UBE2E2: variants seen among roughly 807,000 people sequenced by gnomAD.
UBE2E2 encodes ubiquitin conjugating enzyme E2 E2, also known as ubiquitin-conjugating enzyme E2 E2.
UBE2E2 carries 6 observed loss-of-function variants against 24.7 expected under a neutral mutation model. The ratio of observed to expected loss-of-function variants is 0.24; its 90% CI spans 0.13 to 0.48. UBE2E2 has a LOEUF of 0.48. UBE2E2 is among the 20% of genes least tolerant of loss of function. The probability of loss-of-function intolerance (pLI) is 0.99; values close to 1 mark genes in which losing one functional copy is unlikely to be tolerated. For synonymous variants in UBE2E2, 104 were observed against 83.6 expected (o/e 1.24, Z -1.33); for missense variants, 169 against 245.0 (o/e 0.69, Z 2.07).
intron 3 of UBE2E2, among the ~76,000 whole-genome samples, chr3:23,455,589 A>C (rs1384676182): frequency 6.6e-6 from 1 of 152,042 alleles, no homozygotes; most frequent in East Asian, 1.9e-4. Context: ...TTAAGTTTTC[A>C]GCTTAGGCGG....
chr3:23,213,159 A>G (rs1040509581), intron 2 of UBE2E2, among the ~76,000 whole-genome samples: 1 of 152,164 alleles, frequency 6.6e-6, no homozygotes, highest in African/African-American at 2.4e-5. Flanking sequence ...TTACTTTGCG[A>G]ATCTGCGTAT....
At chr3:23,324,672 G>A (rs1406378446) in intron 3 of UBE2E2, among the ~76,000 whole-genome samples, 1 of 151,928 alleles carries the variant, frequency 6.6e-6, no homozygotes, top group African/African-American at 2.4e-5. Flanking sequence ...TTTGTATCCT[G>A]TTATCACAGG....
intron 3 of UBE2E2, among the ~76,000 whole-genome samples, chr3:23,354,172 C>T (rs1321431318): frequency 1.3e-5 from 2 of 152,032 alleles, no homozygotes. Flanking sequence ...GCTGGGAAAA[C>T]TGGCTAGCCA....
chr3:23,265,497 T>C (rs531134694), intron 3 of UBE2E2, among the ~76,000 whole-genome samples: 7 of 151,926 alleles, frequency 4.6e-5, no homozygotes, highest in Admixed American at 1.3e-4. Flanking sequence ...GGACTAGGGG[T>C]AAAACATGGA....
chr3:23,347,131 T>G (rs1575575951), intron 3 of UBE2E2, among the ~76,000 whole-genome samples: 2 of 152,244 alleles, frequency 1.3e-5, no homozygotes, highest in Non-Finnish European at 2.9e-5. Flanking sequence ...TCAACCATTG[T>G]GGAAGACAGT....
At chr3:23,272,144 G>A (rs1366010584) in intron 3 of UBE2E2, among the ~76,000 whole-genome samples, 1 of 152,176 alleles carries the variant, frequency 6.6e-6, no homozygotes, top group African/African-American at 2.4e-5. Context: ...GGCCATGGCG[G>A]GCTGCAGGTC....
chr3:23,203,266 A>G, upstream of UBE2E2: 1 of 987,224 alleles, frequency 1.0e-6, no homozygotes, highest in Non-Finnish European at 1.2e-6. Flanking sequence ...GCTGAGGGTG[A>G]GTCCGGGCGG....
chr3:23,323,456 C>T (rs1037700222), intron 3 of UBE2E2: 6 of 411,530 alleles, frequency 1.5e-5, no homozygotes, highest in Admixed American at 2.7e-5. Flanking sequence ...GTAAGTAATA[C>T]GGGGTGAGCA....
intron 5 of UBE2E2, among the ~76,000 whole-genome samples, chr3:23,584,002 A>G (rs1236418131): frequency 6.6e-6 from 1 of 152,148 alleles, no homozygotes; most frequent in Non-Finnish European, 1.5e-5. Context: ...CTGGATTTCA[A>G]AAGGGGTATG....
chr3:23,567,525 T>C (rs946608272), intron 5 of UBE2E2, among the ~76,000 whole-genome samples: 3 of 152,152 alleles, frequency 2.0e-5, no homozygotes, highest in African/African-American at 4.8e-5. Context: ...AGGTCACTTA[T>C]AGGAAATGGA....
intron 3 of UBE2E2, among the ~76,000 whole-genome samples, chr3:23,250,284 A>G (rs1697537682): frequency 6.6e-6 from 1 of 152,170 alleles, no homozygotes; most frequent in Non-Finnish European, 1.5e-5. Flanking sequence ...CTGGTCTTTA[A>G]TTCTCTTTTA....
intron 3 of UBE2E2, among the ~76,000 whole-genome samples, chr3:23,454,592 C>CA (rs1442911222): frequency 6.6e-6 from 1 of 152,208 alleles, no homozygotes; most frequent in African/African-American, 2.4e-5. Context: ...TCATATAACA[C>CA]AGACTGTGTT....
chr3:23,387,027 G>A (rs1380233193), intron 3 of UBE2E2, among the ~76,000 whole-genome samples: 1 of 152,058 alleles, frequency 6.6e-6, no homozygotes, highest in Non-Finnish European at 1.5e-5. Flanking sequence ...TACCTATAAA[G>A]GATTATGAAA....
intron 3 of UBE2E2, among the ~76,000 whole-genome samples, chr3:23,464,301 C>T (rs1195188668): frequency 2.0e-5 from 3 of 152,108 alleles, no homozygotes; most frequent in Non-Finnish European, 4.4e-5. Context: ...ATAGGAAATA[C>T]TTTAGTTAAA....
intron 5 of UBE2E2, among the ~76,000 whole-genome samples, chr3:23,584,965 T>TGAGTAGA (rs1451684330): frequency 6.6e-6 from 1 of 151,366 alleles, no homozygotes; most frequent in Non-Finnish European, 1.5e-5. Context: ...GAGACAGAGG[T>TGAGTAGA]GAGATAGAGG....
At chr3:23,370,746 T>C (rs1696380104) in intron 3 of UBE2E2, among the ~76,000 whole-genome samples, 1 of 152,058 alleles carries the variant, frequency 6.6e-6, no homozygotes, top group Non-Finnish European at 1.5e-5. Flanking sequence ...CTGGATTCAT[T>C]TGAATAGAAA....
chr3:23,316,680 T>C (rs566226894), intron 3 of UBE2E2, among the ~76,000 whole-genome samples: 3 of 151,944 alleles, frequency 2.0e-5, no homozygotes, highest in African/African-American at 7.2e-5. Flanking sequence ...GTCTCTCCCA[T>C]AGCCACCACA....
chr3:23,216,619 T>C (rs1356737939), intron 2 of UBE2E2, among the ~76,000 whole-genome samples: 1 of 152,128 alleles, frequency 6.6e-6, no homozygotes, highest in East Asian at 1.9e-4. Context: ...GTACATAGGA[T>C]GTTAGATGCT....
At chr3:23,213,231 T>A (rs1044421471) in intron 2 of UBE2E2, among the ~76,000 whole-genome samples, 1 of 152,268 alleles carries the variant, frequency 6.6e-6, no homozygotes, top group East Asian at 1.9e-4. Flanking sequence ...ACTCAAGAAA[T>A]GTATGTGTGT....
Sources: allele counts gnomAD v4.1 joint callset (sites outside exome capture counted in the v4.1 genomes callset), GRCh38; gene constraint gnomAD v4.1.1; transcripts MANE v1.5; gene names NCBI Gene and HGNC (gene_info 2026-07-23, HGNC 2026-07-21).